Variants in OAT observed in about 807,000 individuals in gnomAD.
The protein encoded by OAT is ornithine aminotransferase, mitochondrial.
Under a neutral mutation model 48.4 loss-of-function variants are expected in OAT, and 35 were observed. The ratio of observed to expected loss-of-function variants is 0.72; its 90% CI spans 0.55 to 0.96. The LOEUF (loss-of-function observed/expected upper bound fraction) is 0.96. OAT is among the 40% of genes least tolerant of loss of function. OAT has a pLI of 0.00. For synonymous variants in OAT, 182 were observed against 198.4 expected, an observed-to-expected ratio of 0.92 and a Z score of 0.70; for missense variants, 438 against 537.9, an observed-to-expected ratio of 0.81 and a Z score of 1.84.
chr10:124,399,035 AAAATAAAAT>A (rs569462656), intron 9 of OAT, among the ~76,000 whole-genome samples: 179 of 149,878 alleles, frequency 1.2e-3, no homozygotes, highest in African/African-American at 4.1e-3. Context: ...ACTGTCTCAA[AAAATAAAAT>A]AAATAAAATA....
chr10:124,398,651 G>C (rs1951306337), intron 9 of OAT, among the ~76,000 whole-genome samples: 1 of 97,220 alleles, frequency 1.0e-5, no homozygotes, highest in Non-Finnish European at 2.0e-5. Context: ...AAATGAAAAA[G>C]ACCAAGCCAA....
chr10:124,411,829 AAAAAAG>A (rs1006335030), intron 2 of OAT, 138 bp downstream of exon 2: 4 of 767,588 alleles, frequency 5.2e-6, no homozygotes, highest in Admixed American at 2.7e-5. Context: ...AAAAAAAAAA[AAAAAAG>A]AAGAAGAAGA....
intron 1 of OAT, among the ~76,000 whole-genome samples, chr10:124,413,042 C>T (rs2674342): frequency 0.73 from 110,388 of 151,868 alleles, 40,525 homozygotes; most frequent in East Asian, 0.91. Flanking sequence ...TCAAGCAGTC[C>T]GCCCACCACG....
At position 124,406,035 on chromosome 10, in the gene OAT, G is replaced by A. The variant is rs990608124; in HGVS notation, c.521-472C>T. 1.5e-5 allele frequency: 16 copies of A among 1,036,056 alleles called. No individual in the cohort carries two copies. The East Asian group carries it at 1.2e-3, about 77-fold the overall frequency. The allele number at this position is 1,036,056 out of a possible 1,614,324, so 64.2% of individuals were successfully genotyped here. Reference sequence around the variant, plus strand: ...CAGAATGCATTTCCAATTTCATTTGGAGAAAAGATCCTCAAGCAATCCAAA... The same window carrying A: ...CAGAATGCATTTCCAATTTCATTTGAAGAAAAGATCCTCAAGCAATCCAAA... On this transcript the variant is annotated intron_variant, in intron 4 of 9. Coordinates refer to ENST00000368845, the MANE Select transcript of OAT (RefSeq NM_000274.4).
At chr10:124,407,171 T>C in intron 4 of OAT, 7 of 985,428 alleles carry the variant, frequency 7.1e-6, no homozygotes, top group Non-Finnish European at 7.2e-6. Flanking sequence ...CCACAAAAAA[T>C]AGCACATTGA....
chr10:124,413,307 CACAT>C (rs1167230947), intron 1 of OAT, among the ~76,000 whole-genome samples: 1,323 of 128,992 alleles, frequency 0.01, 10 homozygotes, highest in East Asian at 0.052. Context: ...CACACACACA[CACAT>C]ATATGAGATT....
At chr10:124,402,853 A>T in intron 7 of OAT, 74 bp downstream of exon 7, 7 of 1,566,484 alleles carry the variant, frequency 4.5e-6, no homozygotes, top group Non-Finnish European at 6.1e-6. Context: ...TGTCACAATC[A>T]GTTGATGTAT....
chr10:124,409,637 T>A (rs1951694699), intron 2 of OAT, among the ~76,000 whole-genome samples: 1 of 152,038 alleles, frequency 6.6e-6, no homozygotes, highest in Non-Finnish European at 1.5e-5. Flanking sequence ...AAGTAGACTG[T>A]AATAACCCTT....
intron 9 of OAT, among the ~76,000 whole-genome samples, chr10:124,399,217 C>T (rs1951325547): frequency 1.3e-5 from 2 of 152,016 alleles, no homozygotes; most frequent in South Asian, 4.1e-4. Context: ...CCTGGCTGCA[C>T]ATCAGAATCA....
rs1484207367 is a variant in OAT, at chr10:124,400,923, T to C, written c.1076A>G (p.Glu359Gly). 1 of 1,610,074 alleles carries C rather than the reference T, an allele frequency of 6.2e-7. No homozygotes were observed. Among genetic ancestry groups the C allele is most frequent in the Non-Finnish European group, 8.5e-7 (1 of 1,177,802 alleles). The change falls in exon 9 of 10, where the codon GAA (glutamate) becomes GGA (glycine). Residue 359 changes from glutamate to glycine, a missense_variant. Coordinates refer to ENST00000368845, the MANE Select transcript of OAT (RefSeq NM_000274.4). ...AACATCAGAAGGTAGCTTCATGAGT[T>C]CATTTCTCAAGATAATGCCCAATTT... ...ADKLGIILRNELMKLPSDVVT... is the reference protein window; with the variant it reads ...ADKLGIILRNGLMKLPSDVVT...
chr10:124,398,182 C>T, intron 9 of OAT, 80 bp from the exon 10 acceptor site: 1 of 1,482,762 alleles, frequency 6.7e-7, no homozygotes, highest in Non-Finnish European at 9.3e-7. Flanking sequence ...CAAAGTGCAG[C>T]CTGGCAAAAC....
At position 124,409,001 on chromosome 10, in the gene OAT, A is replaced by G. The variant is rs1017987948; in HGVS notation, c.200-36T>C. On this transcript the variant is annotated intron_variant, in intron 2 of 9. Coordinates refer to ENST00000368845, the MANE Select transcript of OAT (RefSeq NM_000274.4). Reference sequence around the variant, plus strand: ...TAAGAAAGGAAAATAATTTTAGACAATTACTATACGGCATAAAGTCCAAAA... The same window carrying G: ...TAAGAAAGGAAAATAATTTTAGACAGTTACTATACGGCATAAAGTCCAAAA... 6 of 1,541,102 alleles carry G rather than the reference A, an allele frequency of 3.9e-6. No homozygotes were observed. In the Admixed American group the frequency reaches 1.0e-4, roughly 26 times the overall value.
In OAT at chr10:124,403,933, C is replaced by T. The variant is rs569366804; in HGVS notation, c.649-13G>A. 9 of 1,613,974 alleles carry T rather than the reference C, an allele frequency of 5.6e-6. No individual in the cohort carries two copies. The East Asian group carries it at 1.6e-4, about 28-fold the overall frequency. Reference sequence around the variant, plus strand: ...CCTGAAGAGCACGCTACAGAAGAAACAGGAATAAGTTTTAATAACTTCCTT... The same window carrying T: ...CCTGAAGAGCACGCTACAGAAGAAATAGGAATAAGTTTTAATAACTTCCTT... On this transcript the variant is annotated splice_polypyrimidine_tract_variant and intron_variant, in intron 5 of 9. Coordinates refer to ENST00000368845, the MANE Select transcript of OAT (RefSeq NM_000274.4).
chr10:124,406,309 G>A (rs1032715466), intron 4 of OAT: 16 of 163,028 alleles, frequency 9.8e-5, no homozygotes, highest in African/African-American at 3.6e-4. Context: ...TGGCCAACAT[G>A]GTGAAACCCC....
chr10:124,415,034 G>A (rs147522779), intron 1 of OAT: 2 of 115,090 alleles, frequency 1.7e-5, no homozygotes, highest in East Asian at 3.1e-4. Context: ...AGTGAGCCAC[G>A]ATCTGTGCCA....
Position 124,412,078 on chromosome 10 carries a change from T to G in OAT, c.94A>C (p.Lys32Gln). ...VASATSVATK[K>Q]TVQGPPTSDD... Reference sequence around the variant, plus strand: ...GAGGTTGGAGGGCCTTGGACTGTTTTTTTAGTTGCAACAGATGTAGCAGAA... The same window carrying G: ...GAGGTTGGAGGGCCTTGGACTGTTTGTTTAGTTGCAACAGATGTAGCAGAA... Residue 32 changes from lysine (K) to glutamine (Q), a missense_variant, in exon 2 of 10, where the codon AAA (lysine) becomes CAA (glutamine). By Grantham distance (53) the Lys-to-Gln change is moderately conservative. Coordinates refer to ENST00000368845, the MANE Select transcript of OAT (RefSeq NM_000274.4). 6.2e-7 allele frequency: 1 copy of G among 1,614,202 alleles called. No individual in the cohort carries two copies.
chr10:124,405,913 T>C (rs1220422052), intron 4 of OAT: 15 of 1,165,106 alleles, frequency 1.3e-5, no homozygotes, highest in Non-Finnish European at 1.5e-5. Flanking sequence ...GCATGTTTTC[T>C]AGAGAAGGTG....
chr10:124,412,585 C>T (rs888889952), intron 1 of OAT, among the ~76,000 whole-genome samples: 34 of 151,888 alleles, frequency 2.2e-4, no homozygotes, highest in African/African-American at 7.2e-4. Flanking sequence ...ATGGGAGGAT[C>T]GCTTGAGCCG....
intron 6 of OAT, 117 bp downstream of exon 6, chr10:124,403,681 T>A (rs1445516379): frequency 1.4e-6 from 2 of 1,421,482 alleles, no homozygotes; most frequent in Non-Finnish European, 2.0e-6. Flanking sequence ...AGTAATTTAA[T>A]CTTTGCATTT....
Sources: allele counts gnomAD v4.1 joint callset (sites outside exome capture counted in the v4.1 genomes callset), GRCh38; gene constraint gnomAD v4.1.1; transcripts MANE v1.5; gene names NCBI Gene and HGNC (gene_info 2026-07-23, HGNC 2026-07-21).